Variants in CCDC106 observed in about 807,000 individuals in gnomAD.
The protein encoded by CCDC106 is coiled-coil domain-containing protein 106.
A neutral mutation model predicts 24.7 loss-of-function variants in CCDC106; 17 were observed. That is an observed-to-expected ratio of 0.69 (90% confidence interval 0.47 to 1.03). CCDC106 has a LOEUF of 1.03. CCDC106 is among the 50% of genes least tolerant of loss of function. The pLI is 0.00. For synonymous variants in CCDC106, 211 were observed against 161.3 expected (o/e 1.31, Z -2.34); for missense variants, 337 against 388.9 (o/e 0.87, Z 1.12).
Position 55,651,452 on chromosome 19 carries a change from T to A in CCDC106, c.483T>A (p.Ser161Arg), listed in dbSNP as rs776531323. Residue 161 changes from serine (S) to arginine (R), a missense_variant, in exon 4 of 5, where the codon AGT (serine) becomes AGA (arginine). Ser to Arg is a moderately radical substitution (Grantham distance 110). This residue lies in a region of CCDC106 where 234 missense variants were observed against 236.5 expected (regional missense o/e 0.99). Coordinates refer to ENST00000586790, the MANE Select transcript of CCDC106 (RefSeq NM_001370470.1). ...GGCAGAAGCAGAAGGGAGGTGCTAG[T>A]CGGAGGCGCTTTGGGAAGCCCAAGG... ...RRRQKQKGGA[S>R]RRRFGKPKAR... The A allele has an allele frequency of 3.1e-5, 50 of 1,599,588 alleles. No individual in the cohort carries two copies. Among genetic ancestry groups the A allele is most frequent in the Admixed American group, 1.2e-4 (7 of 57,398 alleles).
chr19:55,651,196 GT>G, intron 3 of CCDC106, 86 bp from the exon 4 acceptor site: 2 of 1,045,352 alleles, frequency 1.9e-6, no homozygotes, highest in Non-Finnish European at 3.0e-6. Flanking sequence ...GGGGGATCCA[GT>G]TCGGGGACTG....
At chr19:55,649,353 C>G in intron 2 of CCDC106, 44 bp downstream of exon 2, 1 of 1,612,776 alleles carries the variant, frequency 6.2e-7, no homozygotes, top group Non-Finnish European at 8.5e-7. Context: ...GCTGGGAAGC[C>G]AAGCCCTGAG....
intron 3 of CCDC106, 133 bp downstream of exon 3, chr19:55,649,717 C>A: frequency 1.2e-6 from 1 of 821,156 alleles, no homozygotes; most frequent in South Asian, 1.8e-5. Context: ...TAGTCCCCTG[C>A]CTGTTTTGGG....
intron 1 of CCDC106, 47 bp downstream of exon 1, chr19:55,649,124 G>C (rs1219870580): frequency 1.2e-6 from 2 of 1,612,844 alleles, no homozygotes; most frequent in Non-Finnish European, 1.7e-6. Flanking sequence ...CAGTGCGGTC[G>C]GCTCCAGGCT....
chr19:55,651,199 CG>C, intron 3 of CCDC106, 83 bp from the exon 4 acceptor site: 1 of 1,062,242 alleles, frequency 9.4e-7, no homozygotes, highest in East Asian at 2.4e-5. Context: ...GGATCCAGTT[CG>C]GGGACTGCAG....
chr19:55,650,535 T>C (rs1983175695), intron 3 of CCDC106, among the ~76,000 whole-genome samples: 1 of 152,150 alleles, frequency 6.6e-6, no homozygotes, highest in South Asian at 2.1e-4. Flanking sequence ...AATTCAACCC[T>C]TTCCCCAAAA....
intron 4 of CCDC106, 65 bp downstream of exon 4, chr19:55,651,560 C>A (rs1207054416): frequency 8.8e-7 from 1 of 1,141,714 alleles, no homozygotes; most frequent in South Asian, 1.6e-5. Context: ...GTGTCCTTCC[C>A]AGAGGTCCCC....
chr19:55,650,467 G>T (rs981690738), intron 3 of CCDC106, among the ~76,000 whole-genome samples: 1 of 152,148 alleles, frequency 6.6e-6, no homozygotes, highest in Non-Finnish European at 1.5e-5. Context: ...CCTCATCTCA[G>T]CCTTGCTAGC....
intron 3 of CCDC106, among the ~76,000 whole-genome samples, chr19:55,650,731 C>T (rs763181414): frequency 2.6e-5 from 4 of 152,140 alleles, no homozygotes; most frequent in South Asian, 2.1e-4. Context: ...TTTGGCCCTG[C>T]GGCTTCGGCA....
Position 55,649,044 on chromosome 19 carries a change from G to C in CCDC106, c.-3G>C, listed in dbSNP as rs371416497. On this transcript the variant is annotated 5_prime_UTR_variant, in exon 1 of 5. Coordinates refer to ENST00000586790, the MANE Select transcript of CCDC106 (RefSeq NM_001370470.1). ...GCTGCTGGGGTCCGTAGGAAGCCGCGCCATGAATGACCGGAGCAGTCGGAG... is the reference window on the plus strand; with the variant it reads ...GCTGCTGGGGTCCGTAGGAAGCCGCCCCATGAATGACCGGAGCAGTCGGAG... The C allele has an allele frequency of 6.2e-7, 1 of 1,613,236 alleles. No homozygotes were observed. Among genetic ancestry groups the C allele is most frequent in the Admixed American group, 1.7e-5 (1 of 60,024 alleles).
At chr19:55,650,162 G>A (rs1386874933) in intron 3 of CCDC106, among the ~76,000 whole-genome samples, 1 of 150,348 alleles carries the variant, frequency 6.7e-6, no homozygotes, top group East Asian at 2.0e-4. Flanking sequence ...CTTCCTTTGT[G>A]GGCCTTTTTG....
chr19:55,648,045 C>G (rs1395190105), upstream of CCDC106: 1 of 152,262 alleles, frequency 6.6e-6, no homozygotes, highest in East Asian at 1.9e-4. Context: ...AACGGCGGGC[C>G]TCACCTGGAC....
rs752613116 is a variant in CCDC106 at position 55,649,558 on chromosome 19, T to C, written c.287T>C (p.Phe96Ser). ...RDFLRCQLDK[F>S]ISSARMEAED... ...TTCCTGCGGTGCCAGCTGGACAAAT[T>C]CATCTCTTCTGCTCGGATGGAGGCA... The change falls in exon 3 of 5, where the codon TTC becomes TCC. Residue 96 changes from phenylalanine to serine, a missense_variant. Around this residue, in one of 2 missense-constraint regions of CCDC106, gnomAD observed 234 missense variants for 236.5 expected, o/e 0.99. Coordinates refer to ENST00000586790, the MANE Select transcript of CCDC106 (RefSeq NM_001370470.1). 2.4e-5 allele frequency: 38 copies of C among 1,614,014 alleles called. No individual in the cohort carries two copies. Among genetic ancestry groups the C allele is most frequent in the Non-Finnish European group, 3.1e-5 (37 of 1,179,946 alleles).
Position 55,652,355 on chromosome 19 carries a change from G to A in CCDC106, c.527-75G>A, listed in dbSNP as rs951427402. On this transcript the variant is annotated intron_variant, in intron 4 of 4. Transcript: ENST00000586790. The surrounding 1 kb of genome is among the most constrained non-coding windows in gnomAD (Gnocchi z 5.9). ...GCCGAGATCCTTTCTTCCCATGGCC[G>A]TTTCCCTTCCCGTGTCCGCCCCCTC... 36 of 1,331,768 alleles carry A rather than the reference G, an allele frequency of 2.7e-5. No homozygotes were observed. Among genetic ancestry groups the A allele is most frequent in the Non-Finnish European group, 3.4e-5 (33 of 958,890 alleles). The allele number at this position is 1,331,768 out of a possible 1,614,324, so 82.5% of individuals were successfully genotyped here. A position where few individuals can be genotyped will look rare whatever the true frequency, so the allele number is the denominator to read the frequency against.
At chr19:55,651,630 C>T in intron 4 of CCDC106, 135 bp downstream of exon 4, 1 of 635,992 alleles carries the variant, frequency 1.6e-6, no homozygotes, top group Non-Finnish European at 2.8e-6. Flanking sequence ...CTGTCTCTCC[C>T]TCCTCCACGT....
In CCDC106 at chr19:55,652,946, C is replaced by T. The variant is rs1025246822; in HGVS notation, c.*200C>T. On this transcript the variant is annotated 3_prime_UTR_variant, in exon 5 of 5. Coordinates refer to ENST00000586790, the MANE Select transcript of CCDC106 (RefSeq NM_001370470.1). The surrounding 1 kb of genome is among the most constrained non-coding windows in gnomAD (Gnocchi z 5.9). Reference sequence around the variant, plus strand: ...ACGCCGGCACCCCCTTCCGCTTGGGCTGCCCAGCCCTGTCCTCGCCGGGCC... The same window carrying T: ...ACGCCGGCACCCCCTTCCGCTTGGGTTGCCCAGCCCTGTCCTCGCCGGGCC... 131 of 566,782 alleles carry T rather than the reference C, an allele frequency of 2.3e-4. No individual in the cohort carries two copies. Among genetic ancestry groups the T allele is most frequent in the Middle Eastern group, 4.7e-4 (1 of 2,128 alleles). The allele number at this position is 566,782 out of a possible 1,614,324, so 35.1% of individuals were successfully genotyped here.
chr19:55,651,666 T>C (rs1363220415), intron 4 of CCDC106, among the ~76,000 whole-genome samples, 171 bp downstream of exon 4: 4 of 152,070 alleles, frequency 2.6e-5, no homozygotes, highest in African/African-American at 9.6e-5. Flanking sequence ...CTTTCTTTTT[T>C]TTTTTTGGCG....
At chr19:55,649,144 G>GA in intron 1 of CCDC106, 61 bp from the exon 2 acceptor site, 1 of 1,607,830 alleles carries the variant, frequency 6.2e-7, no homozygotes, top group Admixed American at 1.7e-5. Context: ...TGCCGTGGTT[G>GA]GGGGGTGGCC....
rs373493546 is a variant in CCDC106, at chr19:55,651,333, C to A, written c.364C>A (p.Arg122Ser). ...GCCCAGGCGGATGGAGGGGGACAGCCGTGGTGGGGCTGGGGGCGAGGCCTC... is the reference window on the plus strand; with the variant it reads ...GCCCAGGCGGATGGAGGGGGACAGCAGTGGTGGGGCTGGGGGCGAGGCCTC... ...PGPRRMEGDSRGGAGGEASDP... is the reference protein window; with the variant it reads ...PGPRRMEGDSSGGAGGEASDP... Residue 122 changes from arginine (R) to serine (S), a missense_variant, in exon 4 of 5, where the codon CGT becomes AGT. Transcript: ENST00000586790. 6.2e-7 allele frequency: 1 copy of A among 1,613,470 alleles called. No individual in the cohort carries two copies. The highest frequency in any genetic ancestry group is 8.5e-7 in the Non-Finnish European group (1 of 1,179,894).
Sources: gnomAD v4.1 joint callset for allele counts (sites outside exome capture counted in the v4.1 genomes callset) on GRCh38, gnomAD v4.1.1 for gene constraint, gnomAD v4.1.1 regional missense constraint, Gnocchi (gnomAD v3.1) non-coding constraint, MANE v1.5 for transcripts, NCBI Gene and HGNC (gene_info 2026-07-23, HGNC 2026-07-21) for gene names.